The following ADGRE3 variants were observed in gnomAD, a reference collection of about 807,000 sequenced individuals.
The protein encoded by ADGRE3 is adhesion G protein-coupled receptor E3.
ADGRE3 carries 88 observed loss-of-function variants against 80.1 expected under a neutral mutation model. That is an observed-to-expected ratio of 1.10 (90% CI 0.93 to 1.31). ADGRE3 has a LOEUF of 1.31. Ranked by LOEUF, ADGRE3 falls within the 40% of genes most tolerant of loss-of-function variation. The pLI is 0.00. For synonymous variants in ADGRE3, 281 were observed against 294.8 expected (o/e 0.95, Z 0.48); for missense variants, 715 against 776.5 (o/e 0.92, Z 0.94).
Position 14,632,976 on chromosome 19 carries a change from A to G in ADGRE3, c.1588T>C (p.Leu530=). ...LVLFILVFWI[L]KRKLSSLNSE... is the part of the protein sequence containing the mutation. Reference sequence around the variant, plus strand: ...TTGAGGGAGGAAAGTTTTCTTTTCAAAATCCAAAAGACCAAGATAAACAAT... The same window carrying G: ...TTGAGGGAGGAAAGTTTTCTTTTCAGAATCCAAAAGACCAAGATAAACAAT... The change falls in exon 13 of 16, where the codon TTG becomes CTG. Residue 530 remains leucine, a synonymous_variant. Transcript: ENST00000253673. 3 of 1,614,094 alleles carry G rather than the reference A, an allele frequency of 1.9e-6. No homozygotes were observed. The highest frequency in any genetic ancestry group is 2.5e-6 in the Non-Finnish European group (3 of 1,179,936).
chr19:14,609,931 A>G, the ADGRE3 span: 5 of 658,102 alleles, frequency 7.6e-6, no homozygotes, highest in East Asian at 8.3e-5. Flanking sequence ...TTACAGGTGT[A>G]AGGCTCCACA....
chr19:14,630,123 G>A lies in ADGRE3; in HGVS notation c.1728C>T (p.Ala576=), dbSNP rs1260497309. The change falls in exon 14 of 16, where the codon GCC becomes GCT. Residue 576 remains alanine (A), a synonymous_variant. Coordinates refer to ENST00000253673, the MANE Select transcript of ADGRE3 (RefSeq NM_032571.5). ...TGGTGAAGAGGTAGGCCATGACCTG[G>A]GCAGCTGGACCCACCTGTAGCAAGC... ...CLGLLQVGPA[A]QVMAYLFTII... 1 of 1,613,408 alleles carries A rather than the reference G, an allele frequency of 6.2e-7. No individual in the cohort carries two copies. The highest frequency in any genetic ancestry group is 1.3e-5 in the African/African-American group (1 of 74,926).
At chr19:14,650,628 CATCTCT>C (rs1402000457) in intron 7 of ADGRE3, among the ~76,000 whole-genome samples, 4 of 46,610 alleles carry the variant, frequency 8.6e-5, no homozygotes, top group Admixed American at 2.4e-4. Flanking sequence ...TCTCTGTCTC[CATCTCT>C]CTCTCTCTCT....
chr19:14,632,716 CTT>C (rs58638702), intron 13 of ADGRE3, among the ~76,000 whole-genome samples: 3 of 148,050 alleles, frequency 2.0e-5, no homozygotes, highest in Non-Finnish European at 3.0e-5. Flanking sequence ...CTATTTTATT[CTT>C]TTTTTTTTTT....
At chr19:14,662,402 T>A (rs956677769) in intron 3 of ADGRE3, among the ~76,000 whole-genome samples, 12 of 152,292 alleles carry the variant, frequency 7.9e-5, no homozygotes, top group African/African-American at 2.9e-4. Context: ...TCTTTTCTTT[T>A]TGAGACGGAG....
chr19:14,651,039 G>C (rs770895422), intron 7 of ADGRE3, 46 bp downstream of exon 7: 42 of 1,610,194 alleles, frequency 2.6e-5, no homozygotes, highest in Non-Finnish European at 3.3e-5. Context: ...CTCACACAAT[G>C]ACATGGCTCT....
intron 15 of ADGRE3, among the ~76,000 whole-genome samples, chr19:14,623,009 T>C (rs1970633034): frequency 4.4e-5 from 1 of 22,792 alleles, no homozygotes; most frequent in South Asian, 1.6e-3. Context: ...GGTAAGACTT[T>C]TTTTATGAGT....
chr19:14,605,807 T>A, the ADGRE3 span, among the ~76,000 whole-genome samples: 1 of 152,126 alleles, frequency 6.6e-6, no homozygotes, highest in East Asian at 1.9e-4. Flanking sequence ...GGTGCATTCA[T>A]AGCTCACTGC....
chr19:14,651,919 G>A (rs1487258309), intron 6 of ADGRE3, among the ~76,000 whole-genome samples: 1 of 152,240 alleles, frequency 6.6e-6, no homozygotes, highest in African/African-American at 2.4e-5. Context: ...GTGTGCACCT[G>A]TAATCTCAGC....
the ADGRE3 span, among the ~76,000 whole-genome samples, chr19:14,613,911 C>G: frequency 6.6e-6 from 1 of 152,084 alleles, no homozygotes; most frequent in Non-Finnish European, 1.5e-5. Flanking sequence ...GTCTCGAACT[C>G]CTGACCTCAA....
At chr19:14,620,523 TG>T (rs1970535723) in intron 15 of ADGRE3, among the ~76,000 whole-genome samples, 7 of 45,712 alleles carry the variant, frequency 1.5e-4, no homozygotes, top group African/African-American at 4.8e-4. Flanking sequence ...TGACTATATA[TG>T]AATATATATA....
the ADGRE3 span, among the ~76,000 whole-genome samples, chr19:14,607,901 C>T: frequency 0.4 from 60,675 of 151,510 alleles, 12,382 homozygotes; most frequent in East Asian, 0.69. Context: ...GAGACAGTCT[C>T]GCCCTGTCAC....
At chr19:14,636,081 C>CTTTCTCTTT (rs1555755785) in intron 11 of ADGRE3, among the ~76,000 whole-genome samples, 2 of 24,604 alleles carry the variant, frequency 8.1e-5, no homozygotes, top group South Asian at 2.3e-3. Context: ...CTTTCCTTTC[C>CTTTCTCTTT]CTTTCTTTCT....
At chr19:14,600,929 G>A in the ADGRE3 span, among the ~76,000 whole-genome samples, 1 of 101,894 alleles carries the variant, frequency 9.8e-6, no homozygotes, top group African/African-American at 3.9e-5. Flanking sequence ...TTGAGATGGA[G>A]TCTCACTCTG....
downstream of ADGRE3, among the ~76,000 whole-genome samples, chr19:14,617,341 CCTTTCTTT>C (rs1555752261): frequency 3.1e-3 from 179 of 57,260 alleles, no homozygotes; most frequent in South Asian, 0.01. Flanking sequence ...TCCCTCCCTC[CCTTTCTTT>C]CTTTCTTTCT....
chr19:14,604,762 CA>C, the ADGRE3 span, among the ~76,000 whole-genome samples: 1 of 147,598 alleles, frequency 6.8e-6, no homozygotes, highest in South Asian at 2.1e-4. Context: ...GACTCTGACT[CA>C]AAAAAAAAAT....
chr19:14,615,202 C>CTT (rs34167082), downstream of ADGRE3, among the ~76,000 whole-genome samples: 13,182 of 65,194 alleles, frequency 0.2, 2,236 homozygotes, highest in African/African-American at 0.3. Flanking sequence ...CAGCTGCCTT[C>CTT]TTTTTTTTTT....
At chr19:14,605,047 A>C in the ADGRE3 span, among the ~76,000 whole-genome samples, 1 of 152,102 alleles carries the variant, frequency 6.6e-6, no homozygotes, top group Admixed American at 6.5e-5. Context: ...AAAAGTCTAA[A>C]ATGGGCTGGG....
At chr19:14,636,093 T>C (rs1226557347) in intron 11 of ADGRE3, among the ~76,000 whole-genome samples, 1 of 39,158 alleles carries the variant, frequency 2.6e-5, no homozygotes, top group Non-Finnish European at 5.9e-5. Flanking sequence ...TTTCTTTCTT[T>C]CTTTCTTTCT....
Sources: allele counts gnomAD v4.1 joint callset (sites outside exome capture counted in the v4.1 genomes callset), GRCh38; gene constraint gnomAD v4.1.1; transcripts MANE v1.5; gene names NCBI Gene and HGNC (gene_info 2026-07-23, HGNC 2026-07-21).